C6orf58: variants seen among roughly 807,000 people sequenced by gnomAD.
C6orf58 encodes protein LEG1 homolog.
C6orf58 carries 30 observed loss-of-function variants against 37.0 expected under a neutral mutation model. The ratio of observed to expected loss-of-function variants is 0.81; its 90% CI spans 0.61 to 1.10. The LOEUF is 1.10. C6orf58 is among the 50% of genes least tolerant of loss of function. The pLI is 0.00. For synonymous variants in C6orf58, 143 were observed against 134.1 expected (o/e 1.07, Z -0.46); for missense variants, 368 against 387.5 (o/e 0.95, Z 0.42).
chr6:127,588,526 A>G lies in C6orf58; in HGVS notation c.675-1561A>G, dbSNP rs191855599. ...GTACTGTATATTTTGTAGCTTGCAT[A>G]TACTCAAATAAAACTCTGTGGCTCT... On this transcript the variant is annotated intron_variant, in intron 4 of 5. Coordinates refer to ENST00000329722, the MANE Select transcript of C6orf58 (RefSeq NM_001010905.3). Among the ~76,000 whole-genome samples the G allele has an allele frequency of 1.2e-3, 184 of 152,322 alleles. 7 individuals are homozygous for G. The highest frequency in any genetic ancestry group is 0.012 in the Admixed American group (182 of 15,308).
At chr6:127,589,426 G>T (rs145206872) in intron 4 of C6orf58, among the ~76,000 whole-genome samples, 9 of 152,274 alleles carry the variant, frequency 5.9e-5, no homozygotes, top group Non-Finnish European at 8.8e-5. Flanking sequence ...GACTTTTATA[G>T]TTCTAAAACT....
rs75508301 is a variant in C6orf58 at position 127,585,008 on chromosome 6, A to G, written c.674+3726A>G. 1.1e-3 allele frequency among the ~76,000 whole-genome samples: 165 copies of G among 152,310 alleles called. 1 individual carries two copies. The East Asian group carries it at 0.023, about 21-fold the overall frequency. On this transcript the variant is annotated intron_variant, in intron 4 of 5. Coordinates refer to ENST00000329722, the MANE Select transcript of C6orf58 (RefSeq NM_001010905.3). ...TACTTGATGTTGGGTTAGAAGTTTT[A>G]TGAATCAATCAATCTCTTCCTAACA...
At position 127,580,279 on chromosome 6, in the gene C6orf58, C is replaced by T; in HGVS notation, c.403C>T (p.Leu135=). 6.2e-7 allele frequency: 1 copy of T among 1,608,268 alleles called. No individual in the cohort carries two copies. Among genetic ancestry groups the T allele is most frequent in the South Asian group, 1.1e-5 (1 of 90,258 alleles). ...DSWWADLNYF[L]SSLPFLAAVD... is the part of the protein sequence containing the mutation. ...TGTTCTTACAGATTTGAATTATTTT[C>T]TGTCTTCATTACCCTTTCTTGCTGC... is the stretch of plus-strand genomic sequence containing the variant. Residue 135 remains leucine (L), a synonymous_variant, in exon 3 of 6, where the codon CTG becomes TTG. Transcript: ENST00000329722.
intron 2 of C6orf58, among the ~76,000 whole-genome samples, chr6:127,579,900 A>C (rs1208459127): frequency 2.6e-5 from 4 of 151,994 alleles, no homozygotes; most frequent in Non-Finnish European, 5.9e-5. Flanking sequence ...AATTCACAAT[A>C]AAACCGTAAT....
At chr6:127,588,985 G>T (rs1321995695) in intron 4 of C6orf58, among the ~76,000 whole-genome samples, 1 of 152,102 alleles carries the variant, frequency 6.6e-6, no homozygotes, top group Non-Finnish European at 1.5e-5. Context: ...GGGCAGGGAG[G>T]ATCCCACAAG....
intron 4 of C6orf58, among the ~76,000 whole-genome samples, chr6:127,588,695 T>G (rs1413803441): frequency 6.6e-6 from 1 of 152,194 alleles, no homozygotes; most frequent in Non-Finnish European, 1.5e-5. Context: ...ACTGATGCAT[T>G]TGAAGAGTTT....
At chr6:127,579,338 T>C (rs1338207184) in intron 2 of C6orf58, among the ~76,000 whole-genome samples, 1 of 152,150 alleles carries the variant, frequency 6.6e-6, no homozygotes, top group African/African-American at 2.4e-5. Context: ...TCCTTAGAGG[T>C]ATTTCTCAAT....
At chr6:127,577,979 T>C (rs1398304901) in intron 1 of C6orf58, among the ~76,000 whole-genome samples, 1 of 152,144 alleles carries the variant, frequency 6.6e-6, no homozygotes, top group African/African-American at 2.4e-5. Flanking sequence ...TTACAGTGTA[T>C]AGACAGAAGT....
intron 2 of C6orf58, among the ~76,000 whole-genome samples, chr6:127,579,157 T>A (rs1272071601): frequency 1.3e-5 from 2 of 152,120 alleles, no homozygotes; most frequent in Non-Finnish European, 1.5e-5. Context: ...CAGATGTGGT[T>A]AATATTGAAA....
chr6:127,584,194 G>A (rs943160801), intron 4 of C6orf58, among the ~76,000 whole-genome samples: 5 of 152,170 alleles, frequency 3.3e-5, no homozygotes, highest in African/African-American at 1.2e-4. Flanking sequence ...CAGAAAATAT[G>A]CACTGAAGGT....
intron 1 of C6orf58, among the ~76,000 whole-genome samples, chr6:127,577,781 T>C (rs1775006306): frequency 6.6e-6 from 1 of 152,112 alleles, no homozygotes; most frequent in African/African-American, 2.4e-5. Context: ...GTTGAAGTTC[T>C]ACTAAGTGCC....
At position 127,585,044 on chromosome 6, in the gene C6orf58, C is replaced by G. The variant is rs182564664; in HGVS notation, c.674+3762C>G. 9.0e-4 allele frequency among the ~76,000 whole-genome samples: 137 copies of G among 152,250 alleles called. 1 individual carries two copies. The highest frequency in any genetic ancestry group is 9.7e-4 in the Non-Finnish European group (66 of 68,010). ...AATCTCTTCCTAACAGTTCTGGGAA[C>G]TCTCATTCGGTCCAATGGGATGATC... On this transcript the variant is annotated intron_variant, in intron 4 of 5. Transcript: ENST00000329722.
intron 4 of C6orf58, among the ~76,000 whole-genome samples, chr6:127,586,211 A>G (rs746360617): frequency 4.8e-4 from 73 of 152,328 alleles, no homozygotes; most frequent in Non-Finnish European, 7.3e-4. Flanking sequence ...ATGTTTATTA[A>G]CAGTCCCAAA....
intron 4 of C6orf58, among the ~76,000 whole-genome samples, chr6:127,582,864 C>G (rs1257010280): frequency 6.6e-6 from 1 of 152,056 alleles, no homozygotes; most frequent in African/African-American, 2.4e-5. Flanking sequence ...TGGATTTGCC[C>G]ACATATATGG....
intron 2 of C6orf58, 94 bp from the exon 3 acceptor site, chr6:127,580,171 C>T: frequency 8.1e-6 from 7 of 868,592 alleles, no homozygotes; most frequent in East Asian, 2.6e-5. Context: ...GTTTCTGGGT[C>T]TGTGAATTTT....
intron 2 of C6orf58, 44 bp downstream of exon 2, chr6:127,578,816 A>G (rs1775017518): frequency 7.1e-7 from 1 of 1,412,406 alleles, no homozygotes; most frequent in East Asian, 2.3e-5. Flanking sequence ...CCTTTCCTGA[A>G]AGAAAGCATT....
chr6:127,579,906 G>T (rs187392775), intron 2 of C6orf58, among the ~76,000 whole-genome samples: 1 of 151,862 alleles, frequency 6.6e-6, no homozygotes, highest in Non-Finnish European at 1.5e-5. Context: ...CAATAAAACC[G>T]TAATGAGAGG....
In C6orf58 at chr6:127,577,516, G is replaced by T. The variant is rs762643779; in HGVS notation, c.301+30G>T. 1.9e-5 allele frequency: 31 copies of T among 1,593,490 alleles called. No homozygotes were observed. In the South Asian group the frequency reaches 3.3e-4, roughly 17 times the overall value. On this transcript the variant is annotated intron_variant, in intron 1 of 5. Transcript: ENST00000329722. The stretch of plus-strand genomic sequence containing the variant: ...GAATGACTCTTGTTTTCATTGTAAT[G>T]ATCTACCGATAGACCTATGAAGTAT...
chr6:127,583,495 T>C (rs1323767040), intron 4 of C6orf58, among the ~76,000 whole-genome samples: 10 of 152,154 alleles, frequency 6.6e-5, no homozygotes, highest in Admixed American at 6.5e-4. Context: ...ACATCAAGGA[T>C]GCCATCTTCT....
Sources: allele counts gnomAD v4.1 joint callset (sites outside exome capture counted in the v4.1 genomes callset), GRCh38; gene constraint gnomAD v4.1.1; transcripts MANE v1.5; gene names NCBI Gene and HGNC (gene_info 2026-07-23, HGNC 2026-07-21).